The following DPPA5 variants were observed in gnomAD, a reference collection of about 807,000 sequenced individuals.
DPPA5 encodes the protein developmental pluripotency associated 5, also known as developmental pluripotency-associated 5 protein.
Under a neutral mutation model 11.3 loss-of-function variants are expected in DPPA5, and 11 were observed. The ratio of observed to expected loss-of-function variants is 0.97; its 90% CI spans 0.61 to 1.61. The LOEUF is 1.61. Among genes scored for constraint, DPPA5 ranks in the 40% most tolerant of loss-of-function variants. The pLI, the probability that DPPA5 is intolerant of heterozygous loss-of-function variation, is 0.00. For missense variants in DPPA5, 132 were observed against 151.8 expected (o/e 0.87, Z 0.68); for synonymous variants, 53 against 59.2 (o/e 0.90, Z 0.48).
rs764295310 is a variant in DPPA5, at chr6:73,353,948, G to C, written c.197C>G (p.Thr66Ser). The change falls in exon 2 of 3, where the codon ACC becomes AGC. Residue 66 changes from threonine to serine, a missense_variant. Physicochemically the swap from Thr to Ser is moderately conservative, Grantham distance 58. Coordinates refer to ENST00000370370, the MANE Select transcript of DPPA5 (RefSeq NM_001025290.3). The stretch of plus-strand genomic sequence containing the variant: ...ATAGGAGCCGTAAACCACGACCTCG[G>C]TGAGGTCTGAAGACTCCAGAGCCTT... ...ELKALESSDL[T>S]EVVVYGSYLY... 4.3e-6 allele frequency: 7 copies of C among 1,614,058 alleles called. No individual in the cohort carries two copies. The highest frequency in any genetic ancestry group is 1.1e-5 in the South Asian group (1 of 91,090).
rs1232580746 is a variant in DPPA5 at position 73,353,343 on chromosome 6, C to A, written c.328G>T (p.Glu110Ter). 3 of 1,614,060 alleles carry A rather than the reference C, an allele frequency of 1.9e-6. No homozygotes were observed. The highest frequency in any genetic ancestry group is 2.2e-5 in the South Asian group (2 of 91,080). Residue 110 changes from glutamate (E) to a stop codon, truncating the protein, a stop_gained, in exon 3 of 3, where the codon GAA becomes TAA. Transcript: ENST00000370370. LOFTEE classifies it high-confidence loss of function. ...GTTCACTTCATCCAAGGGCCTAGTT[C>A]GAGGGCATTCATGGCTTCGGCAAGT... is the stretch of plus-strand genomic sequence containing the variant. The part of the protein sequence containing the change: ...LKLAEAMNAL[E>*]LGPWMK
chr6:73,353,528 C>T (rs1047476489), intron 2 of DPPA5, 150 bp from the exon 3 acceptor site: 32 of 897,458 alleles, frequency 3.6e-5, no homozygotes, highest in Non-Finnish European at 4.8e-5. Context: ...GAACCCGAGA[C>T]TACTCGGCCC....
intron 2 of DPPA5, 68 bp from the exon 3 acceptor site, chr6:73,353,446 C>T (rs1432382087): frequency 1.2e-5 from 19 of 1,597,558 alleles, no homozygotes; most frequent in Admixed American, 1.7e-5. Context: ...CTGTTCTCCG[C>T]CTCTTTCAGG....
intron 1 of DPPA5, 36 bp downstream of exon 1, chr6:73,354,078 G>A: frequency 6.2e-7 from 1 of 1,613,816 alleles, no homozygotes; most frequent in Non-Finnish European, 8.5e-7. Flanking sequence ...TGAGACTCCC[G>A]AGCCGGGGCA....
chr6:73,354,253 C>T lies in DPPA5; in HGVS notation c.-28G>A. On this transcript the variant is annotated 5_prime_UTR_variant, in exon 1 of 3. Coordinates refer to ENST00000370370, the MANE Select transcript of DPPA5 (RefSeq NM_001025290.3). ...TATGACCCTCACAACCAAGACCACTCTCCAGCGCAAACCAGGCCTAATCAC... is the reference window on the plus strand; with the variant it reads ...TATGACCCTCACAACCAAGACCACTTTCCAGCGCAAACCAGGCCTAATCAC... 1 of 1,610,856 alleles carries T rather than the reference C, an allele frequency of 6.2e-7. No homozygotes were observed. The highest frequency in any genetic ancestry group is 1.1e-5 in the South Asian group (1 of 90,872).
In DPPA5 at chr6:73,354,226, C is replaced by T. The variant is rs1191208316; in HGVS notation, c.-1G>A. The T allele has an allele frequency of 1.2e-6, 2 of 1,614,044 alleles. No homozygotes were observed. Among genetic ancestry groups the T allele is most frequent in the Non-Finnish European group, 8.5e-7 (1 of 1,179,930 alleles). On this transcript the variant is annotated 5_prime_UTR_variant, in exon 1 of 3. Transcript: ENST00000370370. ...GTCTACGTGCCGGGAGAGTTCCCAT[C>T]TTATGACCCTCACAACCAAGACCAC... is the stretch of plus-strand genomic sequence containing the variant.
rs1383388990 is a variant in DPPA5, at chr6:73,353,836, G to A, written c.292+17C>T. The A allele has an allele frequency of 6.2e-7, 1 of 1,612,148 alleles. No individual in the cohort carries two copies. The highest frequency in any genetic ancestry group is 8.5e-7 in the Non-Finnish European group (1 of 1,179,598). ...CGCGAGCCTGTGTTCCGCGTACCCA[G>A]TCTCTGGGCCTCTCACCTCGCTCCT... On this transcript the variant is annotated intron_variant, in intron 2 of 2. Transcript: ENST00000370370.
At chr6:73,353,509 AGAACCTTG>A in intron 2 of DPPA5, 131 bp from the exon 3 acceptor site, 1 of 1,048,282 alleles carries the variant, frequency 9.5e-7, no homozygotes, top group Non-Finnish European at 1.4e-6. Context: ...AGTCAGGCCC[AGAACCTTG>A]GAACCCGAGA....
In DPPA5 at chr6:73,354,219, TTCCCATCTTATGACCCTCACAACC is replaced by T; in HGVS notation, c.-18_6del. The T allele has an allele frequency of 6.2e-7, 1 of 1,613,500 alleles. No homozygotes were observed. Among genetic ancestry groups the T allele is most frequent in the Non-Finnish European group, 8.5e-7 (1 of 1,179,832 alleles). ...GGGATATGTCTACGTGCCGGGAGAGTTCCCATCTTATGACCCTCACAACCAAGACCACTCTCCAGCGCAAACCAG... is the reference window on the plus strand; with the variant it reads ...GGGATATGTCTACGTGCCGGGAGAGTAAGACCACTCTCCAGCGCAAACCAG... On this transcript the variant is annotated start_lost and 5_prime_UTR_variant, in exon 1 of 3. Transcript: ENST00000370370.
At position 73,353,165 on chromosome 6, in the gene DPPA5, C is replaced by T; in HGVS notation, c.*155G>A. 1 of 762,362 alleles carries T rather than the reference C, an allele frequency of 1.3e-6. No homozygotes were observed. Among genetic ancestry groups the T allele is most frequent in the East Asian group, 2.6e-5 (1 of 38,854 alleles). The allele number at this position is 762,362 out of a possible 1,614,324, so 47.2% of individuals were successfully genotyped here. The stretch of plus-strand genomic sequence containing the variant: ...GAAATATTCACAACAAGACTCAGAG[C>T]CAAGGGTTTTCCCTTAACTCTTTAA... On this transcript the variant is annotated 3_prime_UTR_variant, in exon 3 of 3. Transcript: ENST00000370370.
chr6:73,353,620 C>T (rs1768722870), intron 2 of DPPA5, among the ~76,000 whole-genome samples: 2 of 152,164 alleles, frequency 1.3e-5, no homozygotes, highest in Admixed American at 6.6e-5. Context: ...GGGTCCAGCA[C>T]CAGCCGCCTT....
At chr6:73,353,514 C>CT (rs1279702667) in intron 2 of DPPA5, 136 bp from the exon 3 acceptor site, 11 of 1,015,808 alleles carry the variant, frequency 1.1e-5, no homozygotes, top group Non-Finnish European at 1.6e-5. Context: ...GGCCCAGAAC[C>CT]TTGGAACCCG....
chr6:73,353,308 C>CTGGAA lies in DPPA5; in HGVS notation c.*7_*11dup, dbSNP rs770628324. The CTGGAA allele has an allele frequency of 3.1e-6, 5 of 1,614,114 alleles. No individual in the cohort carries two copies. The Admixed American group carries it at 8.3e-5, about 27-fold the overall frequency. On this transcript the variant is annotated 3_prime_UTR_variant, in exon 3 of 3. Coordinates refer to ENST00000370370, the MANE Select transcript of DPPA5 (RefSeq NM_001025290.3). The stretch of plus-strand genomic sequence containing the variant: ...CTGCAACCCGGCTTCATTGCATTGG[C>CTGGAA]TGGAAACTGGTTCACTTCATCCAAG...
At chr6:73,353,436 C>A in intron 2 of DPPA5, 58 bp from the exon 3 acceptor site, 1 of 1,604,672 alleles carries the variant, frequency 6.2e-7, no homozygotes, top group Non-Finnish European at 8.5e-7. Flanking sequence ...AGCGCCCGGA[C>A]TGTTCTCCGC....
In DPPA5 at chr6:73,354,252, T is replaced by C; in HGVS notation, c.-27A>G. On this transcript the variant is annotated 5_prime_UTR_variant, in exon 1 of 3. Coordinates refer to ENST00000370370, the MANE Select transcript of DPPA5 (RefSeq NM_001025290.3). ...TTATGACCCTCACAACCAAGACCAC[T>C]CTCCAGCGCAAACCAGGCCTAATCA... The C allele has an allele frequency of 6.2e-7, 1 of 1,610,430 alleles. No homozygotes were observed. Among genetic ancestry groups the C allele is most frequent in the Non-Finnish European group, 8.5e-7 (1 of 1,177,636 alleles).
rs1768728835 is a variant in DPPA5, at chr6:73,353,863, G to A, written c.282C>T (p.Arg94=). The part of the protein sequence containing the change: ...LQSMAEWHRQ[R]QERGMLKLAE... ...CTCTGGGCCTCTCACCTCGCTCCTG[G>A]CGCTGGCGGTGCCACTCAGCCATGG... is the stretch of plus-strand genomic sequence containing the variant. The change falls in exon 2 of 3, where the codon CGC becomes CGT. Residue 94 remains arginine (R), a synonymous_variant. Transcript: ENST00000370370. 1 of 1,613,406 alleles carries A rather than the reference G, an allele frequency of 6.2e-7. No individual in the cohort carries two copies. The highest frequency in any genetic ancestry group is 8.5e-7 in the Non-Finnish European group (1 of 1,179,944).
rs1178307981 is a variant in DPPA5 at position 73,353,275 on chromosome 6, C to T, written c.*45G>A. ...GGAATCACTCTAGCTCTGGCCACAA[C>T]CTAATCTCTGCAACCCGGCTTCATT... On this transcript the variant is annotated 3_prime_UTR_variant, in exon 3 of 3. Coordinates refer to ENST00000370370, the MANE Select transcript of DPPA5 (RefSeq NM_001025290.3). 12 of 1,612,738 alleles carry T rather than the reference C, an allele frequency of 7.4e-6. No individual in the cohort carries two copies. The highest frequency in any genetic ancestry group is 1.0e-5 in the Non-Finnish European group (12 of 1,178,794).
Position 73,353,293 on chromosome 6 carries a change from G to A in DPPA5, c.*27C>T. On this transcript the variant is annotated 3_prime_UTR_variant, in exon 3 of 3. Transcript: ENST00000370370. The stretch of plus-strand genomic sequence containing the variant: ...GCCACAACCTAATCTCTGCAACCCG[G>A]CTTCATTGCATTGGCTGGAAACTGG... 5 of 1,613,944 alleles carry A rather than the reference G, an allele frequency of 3.1e-6. No individual in the cohort carries two copies. Among genetic ancestry groups the A allele is most frequent in the Non-Finnish European group, 4.2e-6 (5 of 1,179,902 alleles).
In DPPA5 at chr6:73,353,248, A is replaced by G; in HGVS notation, c.*72T>C. The G allele has an allele frequency of 1.9e-6, 3 of 1,573,922 alleles. No individual in the cohort carries two copies. In the South Asian group the frequency reaches 3.3e-5, roughly 17 times the overall value. On this transcript the variant is annotated 3_prime_UTR_variant, in exon 3 of 3. Transcript: ENST00000370370. ...CTGGAGCAGATTTTAAAACAAGCTT[A>G]AGGAATCACTCTAGCTCTGGCCACA...
Sources: gnomAD v4.1 joint callset for allele counts (sites outside exome capture counted in the v4.1 genomes callset) on GRCh38, gnomAD v4.1.1 for gene constraint, MANE v1.5 for transcripts, NCBI Gene and HGNC (gene_info 2026-07-23, HGNC 2026-07-21) for gene names.